FSIP2: variants seen among roughly 807,000 people sequenced by gnomAD.
FSIP2 encodes the protein fibrous sheath interacting protein 2.
In FSIP2, 367 loss-of-function variants were observed where a neutral mutation model predicts 510.5. That is an observed-to-expected ratio of 0.72 (90% CI 0.66 to 0.78). FSIP2 has a LOEUF of 0.78. Among genes scored for constraint, FSIP2 ranks in the 30% least tolerant of loss-of-function variants. The pLI is 0.00. For synonymous variants in FSIP2, 2,601 were observed against 2,732.2 expected, an observed-to-expected ratio of 0.95 and a Z score of 1.50; for missense variants, 7,594 against 7,901.7, an observed-to-expected ratio of 0.96 and a Z score of 1.48.
In FSIP2 at chr2:185,790,493, G is replaced by A; in HGVS notation, c.3357G>A (p.Lys1119=). The change falls in exon 16 of 23, where the codon AAG becomes AAA. Residue 1119 remains lysine (K), a synonymous_variant. Coordinates refer to ENST00000424728, the MANE Select transcript of FSIP2 (RefSeq NM_173651.4). ...CAAGTATTTTAAAGGAAATGCTCAA[G>A]GACATATCTTCCGTTCCTTTTGGTC... The part of the protein sequence containing the change: ...IVTSILKEML[K]DISSVPFGHL... The A allele has an allele frequency of 6.5e-7, 1 of 1,534,188 alleles. No individual in the cohort carries two copies. The highest frequency in any genetic ancestry group is 2.4e-5 in the East Asian group (1 of 40,844).
chr2:185,759,120 G>A (rs1692300333), intron 9 of FSIP2, among the ~76,000 whole-genome samples: 1 of 150,782 alleles, frequency 6.6e-6, no homozygotes, highest in Non-Finnish European at 1.5e-5. Context: ...AAAACATAAG[G>A]GAAAGTGATA....
chr2:185,762,747 C>A (rs1337086304), intron 11 of FSIP2, among the ~76,000 whole-genome samples: 1 of 151,472 alleles, frequency 6.6e-6, no homozygotes, highest in African/African-American at 2.4e-5. Context: ...TTGCAGTAAT[C>A]TTCCTCCAAT....
intron 19 of FSIP2, among the ~76,000 whole-genome samples, chr2:185,820,677 A>G (rs1429610229): frequency 2.0e-5 from 3 of 151,658 alleles, no homozygotes; most frequent in African/African-American, 7.2e-5. Context: ...TCAATAGCAG[A>G]AGGAAAAACA....
At position 185,804,156 on chromosome 2, in the gene FSIP2, G is replaced by A; in HGVS notation, c.14850G>A (p.Glu4950=). ...TTGTGAACTCATCTGTCTTTTTGGA[G>A]GAAGTAATTTCTGAGCTCTTATGCA... ...SFIVNSSVFL[E]EVISELLCKI... is the part of the protein sequence containing the mutation. The change falls in exon 17 of 23, where the codon GAG becomes GAA. Residue 4950 remains glutamate, a synonymous_variant. Coordinates refer to ENST00000424728, the MANE Select transcript of FSIP2 (RefSeq NM_173651.4). The A allele has an allele frequency of 6.6e-7, 1 of 1,510,032 alleles. No individual in the cohort carries two copies. Among genetic ancestry groups the A allele is most frequent in the Non-Finnish European group, 8.8e-7 (1 of 1,135,528 alleles). The allele number at this position is 1,510,032 out of a possible 1,614,324, so 93.5% of individuals were successfully genotyped here.
chr2:185,799,887 A>C lies in FSIP2; in HGVS notation c.10581A>C (p.Ala3527=). The change falls in exon 17 of 23, where the codon GCA becomes GCC. Residue 3527 remains alanine (A), a synonymous_variant. Coordinates refer to ENST00000424728, the MANE Select transcript of FSIP2 (RefSeq NM_173651.4). ...AAAAGGGTAGAGAAAAAGAGAAAGC[A>C]TGGGAAATTCAAGAAGCAACATTTA... ...GTKKGREKEK[A]WEIQEATFSK... The C allele has an allele frequency of 6.5e-7, 1 of 1,533,926 alleles. No homozygotes were observed. The highest frequency in any genetic ancestry group is 8.7e-7 in the Non-Finnish European group (1 of 1,145,532).
At position 185,788,566 on chromosome 2, in the gene FSIP2, A is replaced by G. The variant is rs1693041387; in HGVS notation, c.1507-77A>G. The G allele has an allele frequency of 4.1e-6, 4 of 975,604 alleles. No homozygotes were observed. In the African/African-American group the frequency reaches 6.6e-5, roughly 16 times the overall value. 60.4% of individuals were successfully genotyped at this position (975,604 alleles called of 1,614,324 possible). A position where few individuals can be genotyped will look rare whatever the true frequency, so the allele number is the denominator to read the frequency against. ...ACCAATACATTGATATAAAAATTAA[A>G]TGTTACCTTCTGTCTCCAAAACATA... On this transcript the variant is annotated intron_variant, in intron 15 of 22. Coordinates refer to ENST00000424728, the MANE Select transcript of FSIP2 (RefSeq NM_173651.4).
chr2:185,793,651 C>T lies in FSIP2; in HGVS notation c.6515C>T (p.Thr2172Met), dbSNP rs1034898539. The T allele has an allele frequency of 1.2e-5, 18 of 1,534,498 alleles. No homozygotes were observed. The African/African-American group carries it at 1.2e-4, about 11-fold the overall frequency. Residue 2172 changes from threonine to methionine, a missense_variant, in exon 16 of 23, where the codon ACG (threonine) becomes ATG (methionine). By Grantham distance (81) the Thr-to-Met change is moderately conservative. Transcript: ENST00000424728. ...CTTCATAATCTCAGTTCTGCTGCCA[C>T]GCTTGTCATAAATGCAAAGAATCCT... The part of the protein sequence containing the change: ...IVLHNLSSAA[T>M]LVINAKNPTS...
chr2:185,739,556 A>G lies in FSIP2; in HGVS notation c.225+85A>G, dbSNP rs559770645. 4.9e-6 allele frequency: 6 copies of G among 1,213,808 alleles called. No individual in the cohort carries two copies. The African/African-American group carries it at 9.4e-5, about 19-fold the overall frequency. 75.2% of individuals were successfully genotyped at this position (1,213,808 alleles called of 1,614,324 possible). A position where few individuals can be genotyped will look rare whatever the true frequency, so the allele number is the denominator to read the frequency against. ...AAGGCTGCATCATACAAAATTCATT[A>G]AAGGAATTTGCATCAACATTTACAG... On this transcript the variant is annotated intron_variant, in intron 2 of 22. Coordinates refer to ENST00000424728, the MANE Select transcript of FSIP2 (RefSeq NM_173651.4).
intron 7 of FSIP2, among the ~76,000 whole-genome samples, 164 bp downstream of exon 7, chr2:185,747,587 T>C (rs1385440534): frequency 2.0e-5 from 3 of 152,128 alleles, no homozygotes; most frequent in African/African-American, 7.2e-5. Flanking sequence ...TTTTTGACTA[T>C]CATATAAAAA....
At chr2:185,826,887 A>G (rs751474101) in intron 20 of FSIP2, among the ~76,000 whole-genome samples, 7 of 151,820 alleles carry the variant, frequency 4.6e-5, no homozygotes, top group Non-Finnish European at 8.8e-5. Context: ...CTGAAATTCA[A>G]TGGAAAGATC....
In FSIP2 at chr2:185,803,019, T is replaced by G. The variant is rs1693475893; in HGVS notation, c.13713T>G (p.Ile4571Met). The change falls in exon 17 of 23, where the codon ATT becomes ATG. Residue 4571 changes from isoleucine to methionine, a missense_variant. Coordinates refer to ENST00000424728, the MANE Select transcript of FSIP2 (RefSeq NM_173651.4). ...AAAATATCACAAGCAGTAATGACATTCTTATAGATAGAATAGCAGGTTTCA... is the reference window on the plus strand; with the variant it reads ...AAAATATCACAAGCAGTAATGACATGCTTATAGATAGAATAGCAGGTTTCA... ...AVQNITSSND[I>M]LIDRIAGFII... The G allele has an allele frequency of 6.5e-7, 1 of 1,528,814 alleles. No homozygotes were observed. The highest frequency in any genetic ancestry group is 1.4e-5 in the African/African-American group (1 of 72,664). 94.7% of individuals were successfully genotyped at this position (1,528,814 alleles called of 1,614,324 possible).
intron 14 of FSIP2, 49 bp downstream of exon 14, chr2:185,782,811 C>T: frequency 1.1e-6 from 1 of 926,516 alleles, no homozygotes. Context: ...TTAATGATTA[C>T]ATAAGAGTGC....
intron 17 of FSIP2, among the ~76,000 whole-genome samples, chr2:185,812,848 G>A (rs1041800252): frequency 3.9e-5 from 6 of 152,030 alleles, no homozygotes; most frequent in Non-Finnish European, 8.8e-5. Context: ...ACAAAGGGAG[G>A]CTGAGAGCTA....
Position 185,807,328 on chromosome 2 carries a change from T to C in FSIP2, c.18022T>C (p.Leu6008=), listed in dbSNP as rs540910747. ...CQTSSPYTII[L]PHKFLENVIS... is the part of the protein sequence containing the mutation. Reference sequence around the variant, plus strand: ...AACTTCATCACCATATACAATAATATTACCTCATAAATTTTTGGAGAATGT... The same window carrying C: ...AACTTCATCACCATATACAATAATACTACCTCATAAATTTTTGGAGAATGT... The change falls in exon 17 of 23, where the codon TTA becomes CTA. Residue 6008 remains leucine, a synonymous_variant. Transcript: ENST00000424728. 101 of 1,612,082 alleles carry C rather than the reference T, an allele frequency of 6.3e-5. No homozygotes were observed. The highest frequency in any genetic ancestry group is 5.5e-5 in the Non-Finnish European group (65 of 1,179,096).
At position 185,791,750 on chromosome 2, in the gene FSIP2, C is replaced by T. The variant is rs773017820; in HGVS notation, c.4614C>T (p.Ser1538=). ...EKMAKSTKII[S]SIVSRRVQED... ...TGGCCAAATCCACCAAAATAATCTCCAGCATAGTTTCCAGAAGGGTTCAGG... is the reference window on the plus strand; with the variant it reads ...TGGCCAAATCCACCAAAATAATCTCTAGCATAGTTTCCAGAAGGGTTCAGG... The change falls in exon 16 of 23, where the codon TCC becomes TCT. Residue 1538 remains serine, a synonymous_variant. Coordinates refer to ENST00000424728, the MANE Select transcript of FSIP2 (RefSeq NM_173651.4). 1 of 1,534,496 alleles carries T rather than the reference C, an allele frequency of 6.5e-7. No individual in the cohort carries two copies. The highest frequency in any genetic ancestry group is 1.2e-5 in the South Asian group (1 of 84,026).
Position 185,808,473 on chromosome 2 carries a change from A to T in FSIP2, c.19167A>T (p.Val6389=). 1 of 1,606,664 alleles carries T rather than the reference A, an allele frequency of 6.2e-7. No homozygotes were observed. The highest frequency in any genetic ancestry group is 8.5e-7 in the Non-Finnish European group (1 of 1,177,412). Residue 6389 remains valine, a synonymous_variant, in exon 17 of 23, where the codon GTA becomes GTT. Transcript: ENST00000424728. ...TTGCATCTCAACTGTCAAAATTGGT[A>T]ACAGCTGAAATTTCCAGAAGTAGCA... ...NKIASQLSKL[V]TAEISRSSIS... is the part of the protein sequence containing the mutation.
intron 21 of FSIP2, among the ~76,000 whole-genome samples, chr2:185,830,921 G>T (rs902167917): frequency 1.3e-5 from 2 of 151,792 alleles, no homozygotes; most frequent in Non-Finnish European, 2.9e-5. Context: ...AAGTTTCATG[G>T]ATAACTCTAT....
rs753078367 is a variant in FSIP2, at chr2:185,802,141, T to C, written c.12835T>C (p.Ser4279Pro). 1 of 1,533,286 alleles carries C rather than the reference T, an allele frequency of 6.5e-7. No homozygotes were observed. The highest frequency in any genetic ancestry group is 1.2e-5 in the South Asian group (1 of 83,950). The allele number at this position is 1,533,286 out of a possible 1,614,324, so 95.0% of individuals were successfully genotyped here. ...TCCAAGGACTCCACTGGATCCAGTG[T>C]CTACTATTGTTACACAGGTTCTGAG... is the stretch of plus-strand genomic sequence containing the variant. ...CHPRTPLDPV[S>P]TIVTQVLSEV... Residue 4279 changes from serine (S) to proline (P), a missense_variant, in exon 17 of 23, where the codon TCT becomes CCT. Physicochemically the swap from Ser to Pro is moderately conservative, Grantham distance 74. Coordinates refer to ENST00000424728, the MANE Select transcript of FSIP2 (RefSeq NM_173651.4).
At chr2:185,816,890 A>C (rs1693836052) in intron 19 of FSIP2, among the ~76,000 whole-genome samples, 1 of 151,092 alleles carries the variant, frequency 6.6e-6, no homozygotes, top group South Asian at 2.1e-4. Context: ...AAGACGAAAG[A>C]AAGAGAAAGA....
Sources: gnomAD v4.1 joint callset for allele counts (sites outside exome capture counted in the v4.1 genomes callset) on GRCh38, gnomAD v4.1.1 for gene constraint, MANE v1.5 for transcripts, NCBI Gene and HGNC (gene_info 2026-07-23, HGNC 2026-07-21) for gene names.